Variants in RAB14 observed in about 807,000 individuals in gnomAD.
The protein encoded by RAB14 is RAB14, member RAS oncogene family, also known as ras-related protein Rab-14.
Under a neutral mutation model 31.1 loss-of-function variants are expected in RAB14, and 3 were observed. The ratio of observed to expected loss-of-function variants is 0.10; its 90% CI spans 0.04 to 0.25. The LOEUF is 0.25. Among genes scored for constraint, RAB14 ranks in the 10% least tolerant of loss-of-function variants. The probability of loss-of-function intolerance (pLI) is 1.00; values close to 1 mark genes in which losing one functional copy is unlikely to be tolerated. For synonymous variants in RAB14, 85 were observed against 84.9 expected, an observed-to-expected ratio of 1.00 and a Z score of 0.00; for missense variants, 111 against 260.1, an observed-to-expected ratio of 0.43 and a Z score of 3.94.
intron 1 of RAB14, among the ~76,000 whole-genome samples, chr9:121,195,445 T>C (rs1357350420): frequency 6.6e-6 from 1 of 152,146 alleles, no homozygotes; most frequent in African/African-American, 2.4e-5. Context: ...CTATGACTTC[T>C]AACAATCCCA....
chr9:121,187,142 A>C, intron 4 of RAB14, 123 bp from the exon 5 acceptor site: 1 of 521,374 alleles, frequency 1.9e-6, no homozygotes, highest in East Asian at 3.5e-5. Flanking sequence ...CCAGTTACTC[A>C]GAACAGTAGT....
chr9:121,196,827 T>C (rs1312954394), intron 1 of RAB14, among the ~76,000 whole-genome samples: 2 of 152,222 alleles, frequency 1.3e-5, no homozygotes, highest in African/African-American at 4.8e-5. Context: ...CTATAATTCA[T>C]TTACTTAGAA....
chr9:121,181,904 C>T (rs1489265533), intron 7 of RAB14, among the ~76,000 whole-genome samples: 1 of 151,860 alleles, frequency 6.6e-6, no homozygotes, highest in Admixed American at 6.6e-5. Context: ...CACACCACCA[C>T]GCCCAGCTAA....
intron 1 of RAB14, among the ~76,000 whole-genome samples, chr9:121,197,559 G>C (rs937002668): frequency 6.6e-6 from 1 of 152,150 alleles, no homozygotes; most frequent in Non-Finnish European, 1.5e-5. Context: ...GACAAAAATA[G>C]AATGCATGGT....
chr9:121,181,546 A>C lies in RAB14; in HGVS notation c.498T>G (p.Leu166=). The C allele has an allele frequency of 6.2e-7, 1 of 1,612,556 alleles. No homozygotes were observed. Among genetic ancestry groups the C allele is most frequent in the Non-Finnish European group, 8.5e-7 (1 of 1,178,808 alleles). ...KTGENVEDAF[L]EAAKKIYQNI... ...TCTGATAGATTTTCTTGGCAGCCTC[A>C]AGGAAGGCATCTTCTACATTCTCTC... The change falls in exon 8 of 8, where the codon CTT becomes CTG. Residue 166 remains leucine, a synonymous_variant. Coordinates refer to ENST00000373840, the MANE Select transcript of RAB14 (RefSeq NM_016322.4).
At chr9:121,183,011 G>A (rs2053641604) in intron 6 of RAB14, 51 bp from the exon 7 acceptor site, 2 of 1,527,292 alleles carry the variant, frequency 1.3e-6, no homozygotes, top group Non-Finnish European at 1.8e-6. Context: ...TAACTCACAA[G>A]TGCACTTCTT....
chr9:121,181,678 T>G (rs988605956), intron 7 of RAB14, 105 bp from the exon 8 acceptor site: 1 of 765,920 alleles, frequency 1.3e-6, no homozygotes, highest in Non-Finnish European at 2.0e-6. Flanking sequence ...GTCTCCAACT[T>G]AACCACTGTC....
At chr9:121,196,309 T>C (rs1205888387) in intron 1 of RAB14, among the ~76,000 whole-genome samples, 2 of 152,176 alleles carry the variant, frequency 1.3e-5, no homozygotes, top group African/African-American at 4.8e-5. Flanking sequence ...AGATCTTTAT[T>C]GCCTTTAAAG....
chr9:121,182,842 G>GTA (rs1423124000), intron 7 of RAB14, 88 bp downstream of exon 7: 2 of 1,090,530 alleles, frequency 1.8e-6, no homozygotes, highest in African/African-American at 3.2e-5. Context: ...CTTTATATGT[G>GTA]TATATACATT....
In RAB14 at chr9:121,181,308, A is replaced by G; in HGVS notation, c.*88T>C. ...TTTTTTTTTAATTAAACCCAGTAAG[A>G]TGTACAGAAGACAATGAGGCAGTAA... On this transcript the variant is annotated 3_prime_UTR_variant, in exon 8 of 8. Coordinates refer to ENST00000373840, the MANE Select transcript of RAB14 (RefSeq NM_016322.4). 1 of 1,281,810 alleles carries G rather than the reference A, an allele frequency of 7.8e-7. No homozygotes were observed. Among genetic ancestry groups the G allele is most frequent in the Non-Finnish European group, 1.0e-6 (1 of 952,500 alleles). The allele number at this position is 1,281,810 out of a possible 1,614,324, so 79.4% of individuals were successfully genotyped here. A position where few individuals can be genotyped will look rare whatever the true frequency, so the allele number is the denominator to read the frequency against.
intron 6 of RAB14, 71 bp from the exon 7 acceptor site, chr9:121,183,031 C>T: frequency 6.9e-7 from 1 of 1,447,010 alleles, no homozygotes; most frequent in Non-Finnish European, 9.5e-7. Context: ...TTAGTAACAT[C>T]TGAAAAAGTT....
Position 121,190,746 on chromosome 9 carries a change from A to T in RAB14, c.107-15T>A, listed in dbSNP as rs745620095. The T allele has an allele frequency of 6.2e-7, 1 of 1,610,236 alleles. No homozygotes were observed. The highest frequency in any genetic ancestry group is 1.7e-5 in the Admixed American group (1 of 59,488). ...ATCAGCCATAACTGTTAAGGAGGAA[A>T]AAAAGTAATAGCCCAATTTTCAGAA... is the stretch of plus-strand genomic sequence containing the variant. On this transcript the variant is annotated splice_polypyrimidine_tract_variant and intron_variant, in intron 3 of 7. Transcript: ENST00000373840.
intron 4 of RAB14, among the ~76,000 whole-genome samples, chr9:121,189,958 G>A (rs1387875892): frequency 6.6e-6 from 1 of 152,012 alleles, no homozygotes; most frequent in Admixed American, 6.6e-5. Flanking sequence ...ATGTACAGTA[G>A]TTTTATTACT....
chr9:121,187,310 A>C (rs756582604), intron 4 of RAB14, among the ~76,000 whole-genome samples: 2 of 152,124 alleles, frequency 1.3e-5, no homozygotes, highest in Non-Finnish European at 2.9e-5. Flanking sequence ...GCAAGGAACA[A>C]CACAGTAAAT....
Position 121,201,650 on chromosome 9 carries a change from C to G in RAB14, c.-19G>C, listed in dbSNP as rs1358017412. 6.6e-6 allele frequency: 1 copy of G among 152,424 alleles called. No homozygotes were observed. The highest frequency in any genetic ancestry group is 1.5e-5 in the Non-Finnish European group (1 of 68,350). The allele number at this position is 152,424 out of a possible 1,614,324, so 9.4% of individuals were successfully genotyped here. A position where few individuals can be genotyped will look rare whatever the true frequency, so the allele number is the denominator to read the frequency against. ...AAGGCCCGGGTTACCTGGGGGGTTG[C>G]TGGTGGCTGGGCAGCTTTCCGGGCG... On this transcript the variant is annotated 5_prime_UTR_variant, in exon 1 of 8. Transcript: ENST00000373840.
intron 5 of RAB14, 68 bp from the exon 6 acceptor site, chr9:121,183,466 T>G (rs1245005684): frequency 1.6e-6 from 2 of 1,252,708 alleles, no homozygotes; most frequent in Non-Finnish European, 2.3e-6. Flanking sequence ...ATGCAAATTC[T>G]GAAATCCAAA....
chr9:121,187,074 T>A (rs2053662905), intron 4 of RAB14, 55 bp from the exon 5 acceptor site: 2 of 1,044,516 alleles, frequency 1.9e-6, no homozygotes, highest in African/African-American at 1.7e-5. Context: ...GAAAAAAAAC[T>A]TAAATATTTA....
chr9:121,195,461 C>T (rs146562781), intron 1 of RAB14, among the ~76,000 whole-genome samples: 1 of 152,194 alleles, frequency 6.6e-6, no homozygotes, highest in East Asian at 1.9e-4. Flanking sequence ...TCCCAAATTT[C>T]TACTTCAAAT....
At chr9:121,191,515 T>C (rs2053686606) in intron 3 of RAB14, among the ~76,000 whole-genome samples, 1 of 152,110 alleles carries the variant, frequency 6.6e-6, no homozygotes, top group Admixed American at 6.6e-5. Context: ...TAACATATAC[T>C]ACTTATTATA....
Sources: allele counts gnomAD v4.1 joint callset (sites outside exome capture counted in the v4.1 genomes callset), GRCh38; gene constraint gnomAD v4.1.1; transcripts MANE v1.5; gene names NCBI Gene and HGNC (gene_info 2026-07-23, HGNC 2026-07-21).